Variants in RBFOX1 observed in about 807,000 individuals in gnomAD.
The protein encoded by RBFOX1 is RNA binding protein fox-1 homolog 1.
In RBFOX1, 8 loss-of-function variants were observed where a neutral mutation model predicts 57.7. That is an observed-to-expected ratio of 0.14 (90% confidence interval 0.08 to 0.25). The LOEUF (loss-of-function observed/expected upper bound fraction) is 0.25, where lower values mean the gene tolerates loss of function less well. RBFOX1 is among the 10% of genes least tolerant of loss of function. The pLI, the probability that RBFOX1 is intolerant of heterozygous loss-of-function variation, is 1.00. For synonymous variants in RBFOX1, 326 were observed against 222.4 expected, an observed-to-expected ratio of 1.47 and a Z score of -4.15; for missense variants, 611 against 548.5, an observed-to-expected ratio of 1.11 and a Z score of -1.14.
At chr16:5,435,467 G>A (rs1332568036) in intron 1 of RBFOX1, among the ~76,000 whole-genome samples, 2 of 152,104 alleles carry the variant, frequency 1.3e-5, no homozygotes, top group Admixed American at 6.5e-5. Flanking sequence ...CTATCCTGAA[G>A]GGAAAAAACA....
chr16:7,389,087 A>G (rs1425383939), intron 4 of RBFOX1, among the ~76,000 whole-genome samples: 1 of 152,130 alleles, frequency 6.6e-6, no homozygotes, highest in Non-Finnish European at 1.5e-5. Context: ...ACCATTCTTT[A>G]ATAAATTACA....
intron 4 of RBFOX1, among the ~76,000 whole-genome samples, chr16:7,438,649 T>C (rs1362634676): frequency 3.3e-5 from 5 of 152,218 alleles, no homozygotes; most frequent in Non-Finnish European, 5.9e-5. Context: ...ATTCTCTTAC[T>C]GAATTTTAAA....
chr16:6,027,456 C>G (rs1450241056), intron 1 of RBFOX1, among the ~76,000 whole-genome samples: 1 of 152,196 alleles, frequency 6.6e-6, no homozygotes, highest in Non-Finnish European at 1.5e-5. Flanking sequence ...ATCAGTGTGT[C>G]TGGCTTGAGA....
chr16:6,383,765 A>G (rs1266678082), intron 2 of RBFOX1, among the ~76,000 whole-genome samples: 2 of 151,174 alleles, frequency 1.3e-5, no homozygotes, highest in African/African-American at 2.5e-5. Flanking sequence ...GCGAGAATTT[A>G]TCTTGGAAAA....
intron 4 of RBFOX1, among the ~76,000 whole-genome samples, chr16:7,480,159 C>T (rs1439014597): frequency 6.6e-6 from 1 of 152,188 alleles, no homozygotes; most frequent in Non-Finnish European, 1.5e-5. Flanking sequence ...GGGACAGCTA[C>T]ACACACTCTC....
At chr16:5,763,011 G>A (rs1411623345) in intron 3 of RBFOX1, among the ~76,000 whole-genome samples, 1 of 152,132 alleles carries the variant, frequency 6.6e-6, no homozygotes, top group African/African-American at 2.4e-5. Flanking sequence ...TATATTATGA[G>A]CATGTACTGT....
chr16:6,720,710 C>A (rs1414031260), intron 3 of RBFOX1, among the ~76,000 whole-genome samples: 1 of 152,164 alleles, frequency 6.6e-6, no homozygotes, highest in Non-Finnish European at 1.5e-5. Flanking sequence ...GGTGGGTCAG[C>A]TGGGACACAC....
intron 1 of RBFOX1, among the ~76,000 whole-genome samples, chr16:5,452,595 C>G (rs914754746): frequency 1.3e-5 from 2 of 152,068 alleles, no homozygotes; most frequent in African/African-American, 2.4e-5. Flanking sequence ...TTACCTGTCC[C>G]TCATCCACAC....
intron 1 of RBFOX1, among the ~76,000 whole-genome samples, chr16:5,318,333 C>T (rs1371713051): frequency 2.6e-5 from 4 of 151,922 alleles, no homozygotes; most frequent in Non-Finnish European, 5.9e-5. Context: ...TTTGCCATAT[C>T]GGCCAGGCTG....
intron 3 of RBFOX1, among the ~76,000 whole-genome samples, chr16:5,645,000 C>G (rs1243988262): frequency 2.0e-5 from 3 of 151,624 alleles, no homozygotes; most frequent in Admixed American, 1.3e-4. Flanking sequence ...CTTTGGGAGG[C>G]TGAGGCGAGT....
rs5815309 is a variant in RBFOX1 at position 6,454,880 on chromosome 16, T to TGGTTTTTGTTG, written c.-64+137823_-64+137824insGGTTTTTGTTG. ...TACAGGTTTTTTTTTTTTTTTTTTT[T>TGGTTTTTGTTG]TTTTTTTTTTTTTTTTTTTTTGAGT... On this transcript the variant is annotated intron_variant, in intron 2 of 15. Coordinates refer to ENST00000550418, the MANE Select transcript of RBFOX1 (RefSeq NM_018723.4). 2.6e-5 allele frequency among the ~76,000 whole-genome samples: 3 copies of TGGTTTTTGTTG among 115,410 alleles called. 1 individual carries two copies. 75.7% of individuals were successfully genotyped at this position (115,410 alleles called of 152,430 possible).
chr16:6,531,958 T>C (rs934662644), intron 2 of RBFOX1, among the ~76,000 whole-genome samples: 2 of 152,138 alleles, frequency 1.3e-5, no homozygotes, highest in Admixed American at 6.6e-5. Context: ...TTACAAAATT[T>C]AGAGGTAGTT....
intron 2 of RBFOX1, among the ~76,000 whole-genome samples, chr16:6,467,138 A>G (rs1396468208): frequency 6.6e-6 from 1 of 151,056 alleles, no homozygotes; most frequent in Non-Finnish European, 1.5e-5. Flanking sequence ...AGTGTAATAT[A>G]ATAAAGTTTA....
chr16:6,388,891 A>T (rs2092445074), intron 2 of RBFOX1, among the ~76,000 whole-genome samples: 1 of 152,198 alleles, frequency 6.6e-6, no homozygotes, highest in African/African-American at 2.4e-5. Context: ...GAACTCACAG[A>T]AGCAGAGAGT....
intron 4 of RBFOX1, among the ~76,000 whole-genome samples, chr16:7,403,913 TTA>T (rs143517193): frequency 3.8e-4 from 57 of 149,628 alleles, no homozygotes; most frequent in African/African-American, 1.1e-3. Flanking sequence ...TATTATTCTT[TTA>T]TATATATATA....
At chr16:6,961,613 A>T (rs62016373) in intron 3 of RBFOX1, among the ~76,000 whole-genome samples, 92,971 of 151,862 alleles carry the variant, frequency 0.61, 28,570 homozygotes, top group Non-Finnish European at 0.63. Context: ...ATTGGCTACT[A>T]TTATGGTTAT....
At position 7,460,370 on chromosome 16, in the gene RBFOX1, A is replaced by AATATATATATATATATATATATATAT. The variant is rs879898472; in HGVS notation, c.28-57757_28-57756insATATATATATATATATATATATATAT. ...ATGATTTGCCTTAATCATTTAGCAA[A>AATATATATATATATATATATATATAT]ATATATATATATATATATATGTGTG... On this transcript the variant is annotated intron_variant, in intron 4 of 15. Coordinates refer to ENST00000550418, the MANE Select transcript of RBFOX1 (RefSeq NM_018723.4). 4.3e-4 allele frequency among the ~76,000 whole-genome samples: 33 copies of AATATATATATATATATATATATATAT among 75,900 alleles called. 1 individual carries two copies. The highest frequency in any genetic ancestry group is 8.2e-3 in the Middle Eastern group (1 of 122). 49.8% of individuals were successfully genotyped at this position (75,900 alleles called of 152,430 possible). A position where few individuals can be genotyped will look rare whatever the true frequency, so the allele number is the denominator to read the frequency against.
rs192877920 is a variant in RBFOX1, at chr16:6,894,147, A to G, written c.-15-157910A>G. Reference sequence around the variant, plus strand: ...ATTATGGACAGAGATAGAATGATCTATAATTGCTACCTATCTCTTGTCTGT... The same window carrying G: ...ATTATGGACAGAGATAGAATGATCTGTAATTGCTACCTATCTCTTGTCTGT... On this transcript the variant is annotated intron_variant, in intron 3 of 15. Coordinates refer to ENST00000550418, the MANE Select transcript of RBFOX1 (RefSeq NM_018723.4). Among the ~76,000 whole-genome samples the G allele has an allele frequency of 2.1e-3, 324 of 152,356 alleles. 1 individual carries two copies. The highest frequency in any genetic ancestry group is 4.6e-3 in the South Asian group (22 of 4,826).
chr16:6,987,653 C>T (rs1334797096), intron 3 of RBFOX1, among the ~76,000 whole-genome samples: 2 of 152,166 alleles, frequency 1.3e-5, no homozygotes, highest in African/African-American at 4.8e-5. Context: ...TGACTGGGGC[C>T]TCCACTGACC....
Sources: allele counts gnomAD v4.1 joint callset (sites outside exome capture counted in the v4.1 genomes callset), GRCh38; gene constraint gnomAD v4.1.1; transcripts MANE v1.5; gene names NCBI Gene and HGNC (gene_info 2026-07-23, HGNC 2026-07-21).